TEX14: variants seen among roughly 807,000 people sequenced by gnomAD.
TEX14 encodes testis expressed 14, intercellular bridge forming factor.
A neutral mutation model predicts 178.6 loss-of-function variants in TEX14; 168 were observed. The observed-to-expected ratio is 0.94, with a 90% CI of 0.83 to 1.07. TEX14 has a LOEUF of 1.07. Ranked by LOEUF, TEX14 falls within the 50% of genes least tolerant of loss-of-function variation. The probability of loss-of-function intolerance (pLI) is 0.00; values close to 1 mark genes in which losing one functional copy is unlikely to be tolerated. For synonymous variants in TEX14, 626 were observed against 634.1 expected (o/e 0.99, Z 0.19); for missense variants, 1,730 against 1,753.6 (o/e 0.99, Z 0.24).
chr17:58,572,193 CCTTT>C, intron 23 of TEX14, 67 bp from the exon 24 acceptor site: 1 of 1,279,186 alleles, frequency 7.8e-7, no homozygotes, highest in Non-Finnish European at 1.1e-6. Context: ...TTCCTTTTTC[CCTTT>C]GTTTTTGTTT....
At chr17:58,690,956 G>A (rs1225628053) in intron 1 of TEX14, among the ~76,000 whole-genome samples, 1 of 152,002 alleles carries the variant, frequency 6.6e-6, no homozygotes, top group Non-Finnish European at 1.5e-5. Context: ...CAGGCTGAAG[G>A]GATCCTCCCA....
intron 15 of TEX14, among the ~76,000 whole-genome samples, chr17:58,590,121 T>C (rs2045089664): frequency 1.3e-5 from 2 of 151,728 alleles, no homozygotes; most frequent in East Asian, 3.9e-4. Flanking sequence ...ATTAGCCGGG[T>C]GTGGTGGTGC....
intron 3 of TEX14, among the ~76,000 whole-genome samples, chr17:58,628,486 G>A (rs1233995321): frequency 6.6e-6 from 1 of 152,146 alleles, no homozygotes; most frequent in Non-Finnish European, 1.5e-5. Flanking sequence ...GCTAAGGCGG[G>A]CGGATCATGA....
chr17:58,557,192 C>T (rs1454783677), intron 31 of TEX14, 145 bp from the exon 32 acceptor site: 17 of 687,870 alleles, frequency 2.5e-5, no homozygotes, highest in Non-Finnish European at 3.6e-5. Context: ...CGATTATAAC[C>T]AACAGTGTGT....
At chr17:58,578,252 CT>C (rs768009298) in intron 20 of TEX14, among the ~76,000 whole-genome samples, 1 of 152,216 alleles carries the variant, frequency 6.6e-6, no homozygotes. Flanking sequence ...GGGGGTTCCT[CT>C]TCCTCTGACC....
chr17:58,673,847 C>T (rs2047344331), intron 1 of TEX14, among the ~76,000 whole-genome samples: 2 of 152,138 alleles, frequency 1.3e-5, no homozygotes, highest in African/African-American at 4.8e-5. Flanking sequence ...GGATTATAGA[C>T]GTGAGCCACC....
At chr17:58,679,372 C>T (rs769151130) in intron 1 of TEX14, among the ~76,000 whole-genome samples, 8 of 152,078 alleles carry the variant, frequency 5.3e-5, no homozygotes, top group Non-Finnish European at 1.0e-4. Flanking sequence ...CAACACCAAC[C>T]ACGAGGGGTG....
rs774775689 is a variant in TEX14 at position 58,599,206 on chromosome 17, C to T, written c.2139G>A (p.Lys713=). The T allele has an allele frequency of 1.2e-6, 2 of 1,614,092 alleles. No individual in the cohort carries two copies. Among genetic ancestry groups the T allele is most frequent in the Non-Finnish European group, 1.7e-6 (2 of 1,180,030 alleles). ...TCGTGGACATGTTGTTCAAATTGCT[C>T]TTGGCTTCTCTGGTTGACTCAGGAA... ...LSLPESTREA[K]SNLNNMSTTE... The change falls in exon 14 of 32, where the codon AAG becomes AAA. Residue 713 remains lysine (K), a synonymous_variant. Coordinates refer to ENST00000349033, the MANE Select transcript of TEX14 (RefSeq NM_031272.5).
At chr17:58,632,816 T>C (rs191296605) in intron 2 of TEX14, among the ~76,000 whole-genome samples, 19 of 152,172 alleles carry the variant, frequency 1.2e-4, no homozygotes, top group Admixed American at 8.5e-4. Flanking sequence ...ATAATGAAAC[T>C]TAGGCGACAT....
chr17:58,603,778 C>T (rs1437479562), intron 11 of TEX14, among the ~76,000 whole-genome samples: 14 of 150,634 alleles, frequency 9.3e-5, no homozygotes, highest in Admixed American at 1.3e-4. Context: ...CGCTTGAACC[C>T]GGGAGGCAGA....
rs1203432617 is a variant in TEX14 at position 58,602,566 on chromosome 17, T to C, written c.1361A>G (p.Asp454Gly). ...LTDDIPWKGL[D>G]GSVVKKAVVS... ...TACGGCTTTTTTAACAACTGAGCCA[T>C]CTAAGCCCTTCCAGGGTATGTCATC... Residue 454 changes from aspartate to glycine, a missense_variant, in exon 12 of 32, where the codon GAT becomes GGT. By Grantham distance (94) the Asp-to-Gly change is moderately conservative. Coordinates refer to ENST00000349033, the MANE Select transcript of TEX14 (RefSeq NM_031272.5). The C allele has an allele frequency of 6.2e-7, 1 of 1,613,520 alleles. No individual in the cohort carries two copies. The highest frequency in any genetic ancestry group is 2.2e-5 in the East Asian group (1 of 44,882).
chr17:58,636,974 C>T (rs1197008424), intron 2 of TEX14, among the ~76,000 whole-genome samples: 1 of 151,828 alleles, frequency 6.6e-6, no homozygotes, highest in Non-Finnish European at 1.5e-5. Flanking sequence ...CGCCTGTAAT[C>T]CCAGCATTTT....
At chr17:58,592,381 C>T (rs1027015961) in intron 15 of TEX14, among the ~76,000 whole-genome samples, 18 of 150,618 alleles carry the variant, frequency 1.2e-4, no homozygotes, top group African/African-American at 4.4e-4. Context: ...ATCGCCCAGG[C>T]TGGACTGCAG....
Position 58,622,933 on chromosome 17 carries a change from C to T in TEX14, c.331G>A (p.Ala111Thr), listed in dbSNP as rs2144552288. The change falls in exon 4 of 32, where the codon GCA becomes ACA. Residue 111 changes from alanine to threonine, a missense_variant. Around this residue, in one of 2 missense-constraint regions of TEX14, gnomAD observed 789 missense variants for 681.2 expected, o/e 1.16. Coordinates refer to ENST00000349033, the MANE Select transcript of TEX14 (RefSeq NM_031272.5). ...NQWILSKLLD[A>T]GGDLRLHDER... ...TCGTGGAGTCGCAGGTCACCTCCTGCATCCAGCAGTTTGCTAAGGATCCAC... is the reference window on the plus strand; with the variant it reads ...TCGTGGAGTCGCAGGTCACCTCCTGTATCCAGCAGTTTGCTAAGGATCCAC... The T allele has an allele frequency of 6.2e-7, 1 of 1,613,152 alleles. No individual in the cohort carries two copies.
chr17:58,690,512 C>T (rs1330432938), intron 1 of TEX14, among the ~76,000 whole-genome samples: 1 of 152,066 alleles, frequency 6.6e-6, no homozygotes, highest in Non-Finnish European at 1.5e-5. Flanking sequence ...ATTCTAAACA[C>T]GACTGATTCC....
At chr17:58,642,647 C>T (rs1053623771) in intron 2 of TEX14, among the ~76,000 whole-genome samples, 3 of 151,960 alleles carry the variant, frequency 2.0e-5, no homozygotes, top group Non-Finnish European at 2.9e-5. Context: ...CCTGCCTCAG[C>T]CTCCCACCTA....
In TEX14 at chr17:58,587,878, G is replaced by T. The variant is rs542533637; in HGVS notation, c.2702+18C>A. 4 of 1,093,522 alleles carry T rather than the reference G, an allele frequency of 3.7e-6. No individual in the cohort carries two copies. The highest frequency in any genetic ancestry group is 5.4e-6 in the Non-Finnish European group (4 of 745,994). The allele number at this position is 1,093,522 out of a possible 1,614,324, so 67.7% of individuals were successfully genotyped here. ...ACCCCCGCTCCACCACCAGTTTCCA[G>T]CCCACAAGGATCCTTACCTGGTAGA... On this transcript the variant is annotated intron_variant, in intron 16 of 31. Coordinates refer to ENST00000349033, the MANE Select transcript of TEX14 (RefSeq NM_031272.5).
chr17:58,659,298 A>C, intron 1 of TEX14: 21 of 967,048 alleles, frequency 2.2e-5, no homozygotes, highest in Non-Finnish European at 2.6e-5. Context: ...CCCCCGCCAC[A>C]AAGACATTAT....
At position 58,569,249 on chromosome 17, in the gene TEX14, A is replaced by G; in HGVS notation, c.3829T>C (p.Ser1277Pro). The G allele has an allele frequency of 6.2e-7, 1 of 1,614,030 alleles. No homozygotes were observed. Among genetic ancestry groups the G allele is most frequent in the Non-Finnish European group, 8.5e-7 (1 of 1,179,898 alleles). ...RRSLPKVEAF[S>P]QHHIDELPPP... ...GGCAGCTCATCAATGTGATGCTGTG[A>G]GAAGGCTTCTACTAGTTTTTAAAAA... The change falls in exon 26 of 32, where the codon TCA becomes CCA. Residue 1277 changes from serine (S) to proline (P), a missense_variant. By Grantham distance (74) the Ser-to-Pro change is moderately conservative. Around this residue, in one of 2 missense-constraint regions of TEX14, gnomAD observed 941 missense variants for 1,072.4 expected, o/e 0.88. Coordinates refer to ENST00000349033, the MANE Select transcript of TEX14 (RefSeq NM_031272.5). This position sits in a 1 kb window ranked among gnomAD's most constrained non-coding sequence, Gnocchi z 4.1.
Sources: gnomAD v4.1 joint callset for allele counts (sites outside exome capture counted in the v4.1 genomes callset) on GRCh38, gnomAD v4.1.1 for gene constraint, gnomAD v4.1.1 regional missense constraint, Gnocchi (gnomAD v3.1) non-coding constraint, MANE v1.5 for transcripts, NCBI Gene and HGNC (gene_info 2026-07-23, HGNC 2026-07-21) for gene names.